RIF1: variants seen among roughly 807,000 people sequenced by gnomAD.
RIF1 encodes telomere-associated protein RIF1.
Under a neutral mutation model 247.1 loss-of-function variants are expected in RIF1, and 45 were observed. The ratio of observed to expected loss-of-function variants is 0.18; its 90% CI spans 0.14 to 0.23. RIF1 has a LOEUF of 0.23. RIF1 is among the 10% of genes least tolerant of loss of function. The pLI is 1.00. For missense variants in RIF1, 2,967 were observed against 2,862.5 expected (o/e 1.04, Z -0.83); for synonymous variants, 1,087 against 978.8 (o/e 1.11, Z -2.06).
At chr2:151,524,020 A>T in the RIF1 span, among the ~76,000 whole-genome samples, 6 of 152,142 alleles carry the variant, frequency 3.9e-5, no homozygotes, top group African/African-American at 1.2e-4. Flanking sequence ...GCCTGGGGAG[A>T]GGTTCCAGTA....
At chr2:151,493,845 C>T in intron 9 of RIF1, 1 of 1,573,980 alleles carries the variant, frequency 6.4e-7, no homozygotes, top group Non-Finnish European at 8.6e-7. Context: ...GGTTGCTTTC[C>T]CCAGGTTCTC....
chr2:151,496,596 C>CA (rs1317949312), intron 10 of RIF1, among the ~76,000 whole-genome samples: 1 of 152,144 alleles, frequency 6.6e-6, no homozygotes, highest in African/African-American at 2.4e-5. Flanking sequence ...GAAAGGCTGT[C>CA]AGAGTTATCC....
chr2:151,458,609 T>C (rs1047061568), intron 24 of RIF1, among the ~76,000 whole-genome samples: 1 of 152,156 alleles, frequency 6.6e-6, no homozygotes, highest in African/African-American at 2.4e-5. Flanking sequence ...GATAAAAATT[T>C]GGAATTCAGA....
rs757938145 is a variant in RIF1 at position 151,497,602 on chromosome 2, TTTTTTC to T, written c.*514-1738_*514-1733del. ...TTTTCAAAATCATTAAATAAGTAGT[TTTTTTC>T]TTTTCTTGCCAAAGTACCGAGCTAA... is the stretch of plus-strand genomic sequence containing the variant. On this transcript the variant is annotated intron_variant and NMD_transcript_variant, in intron 10 of 13. Transcript: ENST00000454583. 3.9e-6 allele frequency: 6 copies of T among 1,549,794 alleles called. No homozygotes were observed. In the African/African-American group the frequency reaches 8.2e-5, roughly 21 times the overall value.
chr2:151,465,413 G>A lies in RIF1; in HGVS notation c.5893G>A (p.Ala1965Thr), dbSNP rs749092448. ...DTAKLNAKEV[A>T]TEEFNSDISL... The stretch of plus-strand genomic sequence containing the variant: ...AGCTAAACTGAATGCCAAAGAAGTA[G>A]CAACTGAGGAATTTAATTCAGATAT... Residue 1965 changes from alanine to threonine, a missense_variant, in exon 30 of 36, where the codon GCA (alanine) becomes ACA (threonine). Ala to Thr is a moderately conservative substitution (Grantham distance 58, BLOSUM62 0). Coordinates refer to ENST00000444746, the MANE Select transcript of RIF1 (RefSeq NM_018151.5). 4 of 1,613,652 alleles carry A rather than the reference G, an allele frequency of 2.5e-6. No individual in the cohort carries two copies. Among genetic ancestry groups the A allele is most frequent in the Non-Finnish European group, 3.4e-6 (4 of 1,179,750 alleles).
chr2:151,455,443 G>C (rs908355518), intron 22 of RIF1, among the ~76,000 whole-genome samples: 2 of 152,148 alleles, frequency 1.3e-5, no homozygotes, highest in African/African-American at 4.8e-5. Context: ...ATGCATGATA[G>C]ATAGGAAAGC....
At chr2:151,490,613 G>A in intron 9 of RIF1, 2 of 1,439,418 alleles carry the variant, frequency 1.4e-6, no homozygotes, top group Non-Finnish European at 9.5e-7. Flanking sequence ...TGTTATCTTT[G>A]CCAAGCATGG....
chr2:151,515,683 T>C, the RIF1 span, among the ~76,000 whole-genome samples: 1 of 152,216 alleles, frequency 6.6e-6, no homozygotes, highest in South Asian at 2.1e-4. Context: ...TTTGTAATTT[T>C]GTTATTTTAA....
At chr2:151,527,404 G>A in the RIF1 span, 4 of 1,127,766 alleles carry the variant, frequency 3.5e-6, no homozygotes, top group African/African-American at 3.1e-5. Flanking sequence ...CATGATAGTG[G>A]TTATTATAAA....
intron 20 of RIF1, among the ~76,000 whole-genome samples, chr2:151,449,815 A>C (rs1405969757): frequency 4.0e-5 from 6 of 149,822 alleles, no homozygotes; most frequent in African/African-American, 1.5e-4. Flanking sequence ...GATTACTGCC[A>C]TCAGTGATCA....
In RIF1 at chr2:151,493,781, A is replaced by G. The variant is rs2152862127; in HGVS notation, c.*416-1448A>G. ...TTTTTCCTTTCTAAAATACCGAGCT[A>G]AAGTTTTCTTGATTGCGTTTCACTC... On this transcript the variant is annotated intron_variant and NMD_transcript_variant, in intron 9 of 13. Transcript: ENST00000454583. 2 of 1,570,748 alleles carry G rather than the reference A, an allele frequency of 1.3e-6. No individual in the cohort carries two copies. The highest frequency in any genetic ancestry group is 1.7e-6 in the Non-Finnish European group (2 of 1,153,640).
the RIF1 span, chr2:151,527,462 T>C: frequency 6.3e-7 from 1 of 1,577,022 alleles, no homozygotes; most frequent in Non-Finnish European, 8.7e-7. Flanking sequence ...TACAATCGTC[T>C]GTGTCTCTCC....
intron 11 of RIF1, chr2:151,501,315 G>C: frequency 2.1e-6 from 2 of 961,732 alleles, no homozygotes; most frequent in South Asian, 3.0e-5. Flanking sequence ...ATTATAAAGG[G>C]ATGAACAGTG....
the RIF1 span, chr2:151,534,146 G>A: frequency 2.9e-5 from 32 of 1,100,162 alleles, no homozygotes; most frequent in South Asian, 3.3e-4. Context: ...TGCAGCAGAC[G>A]GGATGACATC....
chr2:151,493,802 C>G, intron 9 of RIF1: 2 of 1,584,564 alleles, frequency 1.3e-6, no homozygotes, highest in South Asian at 1.2e-5. Flanking sequence ...GATTGCGTTT[C>G]ACTCTTTCCA....
exon 14 of RIF1, chr2:151,507,772 A>C: frequency 2.1e-6 from 1 of 482,752 alleles, no homozygotes; most frequent in East Asian, 3.1e-5. Flanking sequence ...AAAAGATACT[A>C]TATTTTCTCC....
chr2:151,471,034 T>A (rs772175485), intron 34 of RIF1, among the ~76,000 whole-genome samples: 4 of 152,060 alleles, frequency 2.6e-5, no homozygotes, highest in Non-Finnish European at 5.9e-5. Context: ...TCTTTTTTTT[T>A]ATCACCCAGA....
rs3213817 is a variant in RIF1, at chr2:151,503,248, C to A, written c.*861+63C>A. 1,741 of 854,550 alleles carry A rather than the reference C, an allele frequency of 2.0e-3. 23 individuals are homozygous for A. In the African/African-American group the frequency reaches 0.026, roughly 13 times the overall value. The allele number at this position is 854,550 out of a possible 1,614,324, so 52.9% of individuals were successfully genotyped here. On this transcript the variant is annotated intron_variant and NMD_transcript_variant, in intron 12 of 13. Coordinates refer to the RIF1 transcript ENST00000454583. ...ATAATACACAACACACACAGACACA[C>A]ACAGAATTGCTGTTAAGATGTTACT...
At chr2:151,504,051 T>A (rs1467783026) in intron 12 of RIF1, among the ~76,000 whole-genome samples, 1 of 152,132 alleles carries the variant, frequency 6.6e-6, no homozygotes, top group Non-Finnish European at 1.5e-5. Context: ...CCATATTTTT[T>A]AGTAGTAGTA....
Sources: gnomAD v4.1 joint callset for allele counts (sites outside exome capture counted in the v4.1 genomes callset) on GRCh38, gnomAD v4.1.1 for gene constraint, MANE v1.5 for transcripts, NCBI Gene and HGNC (gene_info 2026-07-23, HGNC 2026-07-21) for gene names.